The following ATP1A2 variants were observed in gnomAD, a reference collection of about 807,000 sequenced individuals.
ATP1A2 encodes the protein sodium/potassium-transporting ATPase subunit alpha-2.
ATP1A2 carries 56 observed loss-of-function variants against 113.1 expected under a neutral mutation model. The ratio of observed to expected loss-of-function variants is 0.49; its 90% CI spans 0.40 to 0.62. The LOEUF (loss-of-function observed/expected upper bound fraction) is 0.62. Among genes scored for constraint, ATP1A2 ranks in the 20% least tolerant of loss-of-function variants. The probability of loss-of-function intolerance (pLI) is 0.00; values close to 1 mark genes in which losing one functional copy is unlikely to be tolerated. For synonymous variants in ATP1A2, 490 were observed against 526.8 expected, an observed-to-expected ratio of 0.93 and a Z score of 0.96; for missense variants, 712 against 1,357.8, an observed-to-expected ratio of 0.52 and a Z score of 7.47.
chr1:160,124,191 T>G, intron 5 of ATP1A2, 105 bp from the exon 6 acceptor site: 1 of 1,550,068 alleles, frequency 6.5e-7, no homozygotes, highest in Non-Finnish European at 8.7e-7. Context: ...CAGCACCTAA[T>G]TGTTTATGGG....
intron 1 of ATP1A2, 127 bp from the exon 2 acceptor site, chr1:160,120,779 T>G (rs1471972494): frequency 8.5e-6 from 8 of 942,928 alleles, no homozygotes; most frequent in Non-Finnish European, 1.3e-5. Context: ...ATCCCCCCTA[T>G]CTCCCCCAAG....
rs1443931998 is a variant in ATP1A2, at chr1:160,125,248, T to C, written c.743T>C (p.Val248Ala). Residue 248 changes from valine to alanine, a missense_variant, in exon 7 of 23, where the codon GTT becomes GCT. This residue lies in a region of ATP1A2 where 99 missense variants were observed against 180.4 expected (regional missense o/e 0.55). Transcript: ENST00000361216. ...RNICFFSTNC[V>A]EGTARGIVIA... ...ATCTGTTTCTTCTCCACCAACTGTG[T>C]TGAAGGTGAGAAGCCAGGCTGCCCC... 6.2e-7 allele frequency: 1 copy of C among 1,613,360 alleles called. No homozygotes were observed. The highest frequency in any genetic ancestry group is 1.1e-5 in the South Asian group (1 of 91,060).
At chr1:160,140,430 A>G (rs1176514410) in intron 22 of ATP1A2, among the ~76,000 whole-genome samples, 2 of 152,142 alleles carry the variant, frequency 1.3e-5, no homozygotes, top group Non-Finnish European at 2.9e-5. Context: ...GCGTTTTTTA[A>G]TCACTTAGTA....
intron 7 of ATP1A2, among the ~76,000 whole-genome samples, chr1:160,126,441 A>G (rs1204699149): frequency 6.6e-6 from 1 of 152,132 alleles, no homozygotes; most frequent in Non-Finnish European, 1.5e-5. Flanking sequence ...TACAAATAAA[A>G]ATCACCACAC....
chr1:160,125,080 T>G, intron 6 of ATP1A2, 56 bp from the exon 7 acceptor site: 1 of 1,414,582 alleles, frequency 7.1e-7, no homozygotes, highest in Non-Finnish European at 1.0e-6. Flanking sequence ...AGGAGACAGC[T>G]GTGTGCATAC....
At chr1:160,128,878 T>G (rs367946782) in intron 9 of ATP1A2, 28 bp downstream of exon 9, 867 of 1,612,952 alleles carry the variant, frequency 5.4e-4, no homozygotes, top group Non-Finnish European at 6.5e-4. Context: ...AGGGGGTGGA[T>G]AGGATTAGAG....
At chr1:160,133,001 C>T (rs1651816467) in intron 13 of ATP1A2, among the ~76,000 whole-genome samples, 1 of 152,062 alleles carries the variant, frequency 6.6e-6, no homozygotes, top group South Asian at 2.1e-4. Context: ...GGAATCATCT[C>T]TGCATTGTGC....
chr1:160,126,688 C>A (rs1454140044), intron 7 of ATP1A2, among the ~76,000 whole-genome samples: 4 of 152,082 alleles, frequency 2.6e-5, no homozygotes. Context: ...CCAGGCTGGC[C>A]TCAAACTCCT....
Position 160,141,441 on chromosome 1 carries a change from T to A in ATP1A2, c.*119T>A. The stretch of plus-strand genomic sequence containing the variant: ...TTGGGTGGCAACATTTGGGGAGAGA[T>A]AATGAGGCAACTCAGCAGGCTAAGT... On this transcript the variant is annotated 3_prime_UTR_variant, in exon 23 of 23. Transcript: ENST00000361216. The A allele has an allele frequency of 7.5e-7, 1 of 1,332,064 alleles. No individual in the cohort carries two copies. The allele number at this position is 1,332,064 out of a possible 1,614,324, so 82.5% of individuals were successfully genotyped here.
chr1:160,128,438 C>G (rs576477998), intron 8 of ATP1A2: 1 of 1,428,530 alleles, frequency 7.0e-7, no homozygotes, highest in South Asian at 1.2e-5. Flanking sequence ...TCTAGTCAAA[C>G]GTCTTAAACC....
chr1:160,127,209 A>G (rs1442137941), intron 7 of ATP1A2, among the ~76,000 whole-genome samples: 1 of 152,258 alleles, frequency 6.6e-6, no homozygotes, highest in Non-Finnish European at 1.5e-5. Flanking sequence ...CTTTGTGTTC[A>G]TAATATACTT....
At position 160,135,196 on chromosome 1, in the gene ATP1A2, G is replaced by A. The variant is rs762744089; in HGVS notation, c.2016G>A (p.Ser672=). The A allele has an allele frequency of 3.9e-5, 63 of 1,614,044 alleles. No individual in the cohort carries two copies. Among genetic ancestry groups the A allele is most frequent in the Non-Finnish European group, 4.4e-5 (52 of 1,180,038 alleles). Residue 672 remains serine, a synonymous_variant, in exon 15 of 23, where the codon TCG becomes TCA. Transcript: ENST00000361216. This position sits in a 1 kb window ranked among gnomAD's most constrained non-coding sequence, Gnocchi z 6.3. ...GCTCTGACCTGAAGGACATGACATCGGAGCAGCTCGATGAGATCCTCAAGA... is the reference window on the plus strand; with the variant it reads ...GCTCTGACCTGAAGGACATGACATCAGAGCAGCTCGATGAGATCCTCAAGA... ...VHGSDLKDMT[S]EQLDEILKNH...
Position 160,134,572 on chromosome 1 carries a change from A to C in ATP1A2, c.1916A>C (p.Glu639Ala). 1 of 1,614,206 alleles carries C rather than the reference A, an allele frequency of 6.2e-7. No homozygotes were observed. The highest frequency in any genetic ancestry group is 8.5e-7 in the Non-Finnish European group (1 of 1,180,042). Residue 639 changes from glutamate to alanine, a missense_variant, in exon 14 of 23, where the codon GAG becomes GCG. Physicochemically the swap from Glu to Ala is moderately radical, Grantham distance 107. Coordinates refer to ENST00000361216, the MANE Select transcript of ATP1A2 (RefSeq NM_000702.4). ...ATATCAGAGGGTAACGAGACTGTGG[A>C]GGACATTGCAGCCCGGCTCAACATT... ...GIISEGNETV[E>A]DIAARLNIPM... is the part of the protein sequence containing the mutation.
chr1:160,130,401 A>T, intron 12 of ATP1A2, 21 bp from the exon 13 acceptor site: 3 of 1,614,152 alleles, frequency 1.9e-6, no homozygotes, highest in Non-Finnish European at 2.5e-6. Context: ...GATCTCACTG[A>T]TCCCTTCTGC....
intron 3 of ATP1A2, among the ~76,000 whole-genome samples, chr1:160,121,528 C>T (rs1365185705): frequency 6.6e-6 from 1 of 152,252 alleles, no homozygotes; most frequent in African/African-American, 2.4e-5. Context: ...AGGCAGGGCC[C>T]TTCCCTATAC....
chr1:160,130,684 C>T, intron 13 of ATP1A2, 87 bp downstream of exon 13: 4 of 1,578,768 alleles, frequency 2.5e-6, no homozygotes, highest in Non-Finnish European at 1.7e-6. Context: ...TGGAAAGGCC[C>T]AGGCCACGGT....
chr1:160,136,392 G>T, intron 18 of ATP1A2, 22 bp downstream of exon 18: 1 of 1,613,646 alleles, frequency 6.2e-7, no homozygotes, highest in Non-Finnish European at 8.5e-7. Context: ...CCCGGGCCTC[G>T]GGAGGGAACC....
chr1:160,124,055 A>G lies in ATP1A2; in HGVS notation c.494A>G (p.Gln165Arg). The change falls in exon 5 of 23, where the codon CAG (glutamine) becomes CGG (arginine). Residue 165 changes from glutamine to arginine, a missense_variant and splice_region_variant. Coordinates refer to ENST00000361216, the MANE Select transcript of ATP1A2 (RefSeq NM_000702.4). ...IMDSFKNMVP[Q>R]QALVIREGEK... ...GATTCCTTCAAGAACATGGTACCTC[A>G]GGTAAGATGGCAGGGCTGGGCTCTG... is the stretch of plus-strand genomic sequence containing the variant. 1 of 1,611,254 alleles carries G rather than the reference A, an allele frequency of 6.2e-7. No individual in the cohort carries two copies. The highest frequency in any genetic ancestry group is 8.5e-7 in the Non-Finnish European group (1 of 1,177,334).
In ATP1A2 at chr1:160,125,266, G is replaced by C. The variant is rs764268699; in HGVS notation, c.748+13G>C. The stretch of plus-strand genomic sequence containing the variant: ...AACTGTGTTGAAGGTGAGAAGCCAG[G>C]CTGCCCCCTGTAGGAAAGAGTCTGA... On this transcript the variant is annotated intron_variant, in intron 7 of 22. Coordinates refer to ENST00000361216, the MANE Select transcript of ATP1A2 (RefSeq NM_000702.4). The C allele has an allele frequency of 1.2e-6, 2 of 1,602,374 alleles. No homozygotes were observed. Among genetic ancestry groups the C allele is most frequent in the South Asian group, 2.2e-5 (2 of 90,802 alleles).
Sources: allele counts gnomAD v4.1 joint callset (sites outside exome capture counted in the v4.1 genomes callset), GRCh38; gene constraint gnomAD v4.1.1; regional missense constraint gnomAD v4.1.1; non-coding constraint Gnocchi (gnomAD v3.1); transcripts MANE v1.5; gene names NCBI Gene and HGNC (gene_info 2026-07-23, HGNC 2026-07-21).